FARS2: variants seen among roughly 807,000 people sequenced by gnomAD.
FARS2 encodes phenylalanyl-tRNA synthetase 2, mitochondrial, also known as phenylalanine--tRNA ligase, mitochondrial.
Under a neutral mutation model 46.4 loss-of-function variants are expected in FARS2, and 40 were observed. The ratio of observed to expected loss-of-function variants is 0.86; its 90% CI spans 0.67 to 1.12. The LOEUF (loss-of-function observed/expected upper bound fraction) is 1.12. Ranked by LOEUF, FARS2 falls within the 50% of genes most tolerant of loss-of-function variation. The pLI is 0.00. For missense variants in FARS2, 513 were observed against 567.9 expected, an observed-to-expected ratio of 0.90 and a Z score of 0.98; for synonymous variants, 234 against 214.9, an observed-to-expected ratio of 1.09 and a Z score of -0.78.
intron 6 of FARS2, among the ~76,000 whole-genome samples, chr6:5,684,273 C>A (rs767623043): frequency 5.3e-5 from 8 of 152,116 alleles, no homozygotes; most frequent in Non-Finnish European, 8.8e-5. Context: ...TCATAATAAA[C>A]CCCACTGACA....
intron 5 of FARS2, among the ~76,000 whole-genome samples, chr6:5,576,643 A>G (rs1261215056): frequency 1.6e-5 from 1 of 61,256 alleles, no homozygotes; most frequent in Non-Finnish European, 3.8e-5. Flanking sequence ...ACATATATAT[A>G]TATCCTATTA....
At chr6:5,665,522 G>A (rs1419016610) in intron 6 of FARS2, 1 of 152,100 alleles carries the variant, frequency 6.6e-6, no homozygotes, top group East Asian at 1.9e-4. Flanking sequence ...TGGATGAGGT[G>A]ATTTCTAACC....
intron 4 of FARS2, among the ~76,000 whole-genome samples, chr6:5,538,317 G>A (rs2150478994): frequency 1.3e-5 from 2 of 152,212 alleles, no homozygotes; most frequent in Non-Finnish European, 2.9e-5. Context: ...AGAATTTGAA[G>A]TGCCTTATTA....
At chr6:5,298,487 A>G (rs1296149383) in intron 1 of FARS2, among the ~76,000 whole-genome samples, 1 of 152,226 alleles carries the variant, frequency 6.6e-6, no homozygotes, top group Admixed American at 6.5e-5. Context: ...ATGATCTTGC[A>G]AAGAGGAACT....
chr6:5,256,490 G>GAAAAAAAAAAAAAAAAAAAAAAA (rs777995486), upstream of FARS2, among the ~76,000 whole-genome samples: 15 of 37,520 alleles, frequency 4.0e-4, 4 homozygotes, highest in Non-Finnish European at 6.0e-4. Flanking sequence ...GATTTCAACT[G>GAAAAAAAAAAAAAAAAAAAAAAA]GAAAAAAAAA....
At chr6:5,514,530 C>A (rs1477639908) in intron 4 of FARS2, among the ~76,000 whole-genome samples, 1 of 152,190 alleles carries the variant, frequency 6.6e-6, no homozygotes, top group Admixed American at 6.5e-5. Flanking sequence ...TTAGGGAATT[C>A]ACCCCACAAT....
intron 5 of FARS2, among the ~76,000 whole-genome samples, chr6:5,550,152 A>C (rs962550819): frequency 2.1e-4 from 32 of 152,308 alleles, no homozygotes; most frequent in African/African-American, 6.0e-4. Context: ...AAAAAGAATC[A>C]CTGGTTCCAA....
intron 5 of FARS2, among the ~76,000 whole-genome samples, chr6:5,607,395 A>G (rs929685435): frequency 4.6e-5 from 7 of 152,100 alleles, no homozygotes; most frequent in Admixed American, 2.6e-4. Flanking sequence ...GAATATTTTG[A>G]AAATCAAGCA....
At chr6:5,447,932 G>T (rs1241180831) in intron 4 of FARS2, among the ~76,000 whole-genome samples, 1 of 152,254 alleles carries the variant, frequency 6.6e-6, no homozygotes, top group African/African-American at 2.4e-5. Context: ...TATCCCAGAA[G>T]AATTACCTTG....
intron 1 of FARS2, among the ~76,000 whole-genome samples, chr6:5,264,557 A>C (rs1765418664): frequency 6.7e-6 from 1 of 149,632 alleles, no homozygotes; most frequent in South Asian, 2.1e-4. Flanking sequence ...GCAATGGTGC[A>C]ATCTCGTCCG....
intron 1 of FARS2, among the ~76,000 whole-genome samples, chr6:5,300,544 CTTAG>C (rs1254524444): frequency 1.3e-5 from 2 of 152,130 alleles, no homozygotes; most frequent in African/African-American, 4.8e-5. Context: ...GATTTTTCCC[CTTAG>C]TTAATTACTG....
chr6:5,399,971 G>A (rs149663002), intron 2 of FARS2, among the ~76,000 whole-genome samples: 3,170 of 152,220 alleles, frequency 0.021, 57 homozygotes, highest in South Asian at 0.067. Context: ...ATATTTTCAG[G>A]GTAAGTAGTT....
Position 5,514,089 on chromosome 6 carries a change from C to CATATATAT in FARS2, c.905-31078_905-31071dup, listed in dbSNP as rs57189455. ...TAGAAAATTAACATAAAAATCTGGA[C>CATATATAT]ATATATATATATATATATATGATAA... On this transcript the variant is annotated intron_variant, in intron 4 of 6. Transcript: ENST00000274680. Among the ~76,000 whole-genome samples the CATATATAT allele has an allele frequency of 6.1e-3, 891 of 147,120 alleles. 4 individuals carry two copies. Among genetic ancestry groups the CATATATAT allele is most frequent in the Middle Eastern group, 0.014 (4 of 284 alleles).
chr6:5,693,904 G>A (rs551309671), intron 6 of FARS2, among the ~76,000 whole-genome samples: 10 of 152,288 alleles, frequency 6.6e-5, no homozygotes, highest in South Asian at 4.1e-4. Context: ...TGGAAGCTCC[G>A]CTATCTTTGT....
At chr6:5,546,053 A>G (rs1477758887) in intron 5 of FARS2, among the ~76,000 whole-genome samples, 4 of 151,984 alleles carry the variant, frequency 2.6e-5, no homozygotes, top group African/African-American at 7.3e-5. Context: ...ACTTGAACCC[A>G]GGAGGCAGAG....
At chr6:5,521,303 C>T (rs1367722613) in intron 4 of FARS2, among the ~76,000 whole-genome samples, 7 of 151,016 alleles carry the variant, frequency 4.6e-5, no homozygotes, top group Admixed American at 2.6e-4. Flanking sequence ...ATTCAGAATA[C>T]CAGTTGGCAG....
Position 5,431,130 on chromosome 6 carries a change from G to C in FARS2, c.862G>C (p.Val288Leu). 1 of 1,614,022 alleles carries C rather than the reference G, an allele frequency of 6.2e-7. No individual in the cohort carries two copies. Among genetic ancestry groups the C allele is most frequent in the Non-Finnish European group, 8.5e-7 (1 of 1,179,910 alleles). The change falls in exon 4 of 7, where the codon GTT (valine) becomes CTT (leucine). Residue 288 changes from valine to leucine, a missense_variant. Val to Leu is a conservative substitution (Grantham distance 32). Coordinates refer to ENST00000274680, the MANE Select transcript of FARS2 (RefSeq NM_006567.5). Reference protein sequence around the residue: ...EINFHGEWLEVLGCGVMEQQL... With the variant: ...EINFHGEWLELLGCGVMEQQL... ...CAACTTTCATGGAGAATGGCTGGAAGTTCTTGGCTGCGGGGTGATGGAACA... is the reference window on the plus strand; with the variant it reads ...CAACTTTCATGGAGAATGGCTGGAACTTCTTGGCTGCGGGGTGATGGAACA...
intron 2 of FARS2, among the ~76,000 whole-genome samples, chr6:5,401,400 T>G (rs1376763186): frequency 6.6e-6 from 1 of 152,194 alleles, no homozygotes; most frequent in Admixed American, 6.5e-5. Flanking sequence ...CTTTAACTAT[T>G]GCCTATGCAA....
rs1762662503 is a variant in FARS2 at position 5,764,729 on chromosome 6, C to T, written c.1218-6562C>T. Among the ~76,000 whole-genome samples the T allele has an allele frequency of 6.6e-6, 1 of 152,136 alleles. No homozygotes were observed. The highest frequency in any genetic ancestry group is 2.4e-5 in the African/African-American group (1 of 41,426). ...GAGAAGCAGACTATTGTGGATGTTG[C>T]AGGAGCTGGGATTTGGCTGGATCCC... On this transcript the variant is annotated intron_variant, in intron 6 of 6. Coordinates refer to ENST00000274680, the MANE Select transcript of FARS2 (RefSeq NM_006567.5). This position sits in a 1 kb window ranked among gnomAD's most constrained non-coding sequence, Gnocchi z 4.1.
Sources: gnomAD v4.1 joint callset for allele counts (sites outside exome capture counted in the v4.1 genomes callset) on GRCh38, gnomAD v4.1.1 for gene constraint, Gnocchi (gnomAD v3.1) non-coding constraint, MANE v1.5 for transcripts, NCBI Gene and HGNC (gene_info 2026-07-23, HGNC 2026-07-21) for gene names.